STXBP4: variants seen among roughly 807,000 people sequenced by gnomAD.
The protein encoded by STXBP4 is syntaxin binding protein 4.
A neutral mutation model predicts 76.1 loss-of-function variants in STXBP4; 55 were observed. That is an observed-to-expected ratio of 0.72 (90% CI 0.58 to 0.91). The LOEUF is 0.91. Among genes scored for constraint, STXBP4 ranks in the 40% least tolerant of loss-of-function variants. STXBP4 has a pLI of 0.00. For synonymous variants in STXBP4, 201 were observed against 220.2 expected (o/e 0.91, Z 0.77); for missense variants, 618 against 636.9 (o/e 0.97, Z 0.32).
chr17:55,157,067 A>G (rs1310466526), intron 17 of STXBP4, among the ~76,000 whole-genome samples: 1 of 152,228 alleles, frequency 6.6e-6, no homozygotes, highest in African/African-American at 2.4e-5. Flanking sequence ...AGCAAAGCAT[A>G]CTACCTGAAC....
rs558292386 is a variant in STXBP4, at chr17:55,017,221, T to G, written c.666+9624T>G. Among the ~76,000 whole-genome samples the G allele has an allele frequency of 7.2e-5, 11 of 152,288 alleles. No homozygotes were observed. The South Asian group carries it at 2.3e-3, about 32-fold the overall frequency. On this transcript the variant is annotated intron_variant, in intron 8 of 17. Transcript: ENST00000376352. ...GACTCTCTTTTTCTCCTCTGTCTCT[T>G]TCGCCTCTCTGCCTGTTTCTCTCCT...
intron 8 of STXBP4, among the ~76,000 whole-genome samples, chr17:55,010,064 A>G (rs1240483922): frequency 1.3e-5 from 2 of 151,994 alleles, no homozygotes; most frequent in Non-Finnish European, 2.9e-5. Flanking sequence ...ATAAAATAGT[A>G]TATTTTTTAA....
At chr17:54,975,412 A>G (rs1461432895) in intron 1 of STXBP4, among the ~76,000 whole-genome samples, 1 of 152,222 alleles carries the variant, frequency 6.6e-6, no homozygotes, top group Admixed American at 6.5e-5. Flanking sequence ...AGATATAAAT[A>G]TAGATAGAGA....
chr17:55,144,568 G>A (rs999300680), intron 17 of STXBP4, among the ~76,000 whole-genome samples: 1 of 152,146 alleles, frequency 6.6e-6, no homozygotes, highest in Non-Finnish European at 1.5e-5. Context: ...CTCTCCTCAT[G>A]ACCATTCTCT....
At chr17:55,078,807 A>C (rs1487447774) in intron 15 of STXBP4, 72 bp downstream of exon 15, 2 of 866,244 alleles carry the variant, frequency 2.3e-6, no homozygotes, top group Non-Finnish European at 3.9e-6. Flanking sequence ...TTGTGACTCA[A>C]ATACTAAAAA....
intron 16 of STXBP4, among the ~76,000 whole-genome samples, chr17:55,130,441 A>G (rs1358791074): frequency 6.6e-6 from 1 of 152,216 alleles, no homozygotes. Flanking sequence ...GTACAATGTG[A>G]TGTTTCAGTA....
intron 12 of STXBP4, among the ~76,000 whole-genome samples, chr17:55,063,259 C>A (rs748050811): frequency 6.6e-6 from 1 of 152,148 alleles, no homozygotes; most frequent in South Asian, 2.1e-4. Flanking sequence ...AGTTGTTTGT[C>A]TTTTTAATTG....
chr17:55,066,743 C>T (rs1224644040), intron 12 of STXBP4, among the ~76,000 whole-genome samples: 2 of 152,048 alleles, frequency 1.3e-5, no homozygotes, highest in East Asian at 3.9e-4. Context: ...GGCATGGTGG[C>T]TCACACCTGT....
rs146021969 is a variant in STXBP4 at position 55,043,464 on chromosome 17, T to C, written c.945+139T>C. The stretch of plus-strand genomic sequence containing the variant: ...TTAATATCAAATAGTAAAAATCAGA[T>C]TCTTTATTCAGTTGGCCTTTAGAGA... On this transcript the variant is annotated intron_variant, in intron 11 of 17. Transcript: ENST00000376352. 1,230 of 769,764 alleles carry C rather than the reference T, an allele frequency of 1.6e-3. 11 individuals are homozygous for C. In the African/African-American group the frequency reaches 0.018, roughly 11 times the overall value. 47.7% of individuals were successfully genotyped at this position (769,764 alleles called of 1,614,324 possible). A position where few individuals can be genotyped will look rare whatever the true frequency, so the allele number is the denominator to read the frequency against.
rs1336301535 is a variant in STXBP4, at chr17:55,168,773, T to G, written c.*8862T>G. On this transcript the variant is annotated 3_prime_UTR_variant, in exon 18 of 18. Transcript: ENST00000376352. The stretch of plus-strand genomic sequence containing the variant: ...TCTCTGCCATCAGGATAAATAACAT[T>G]TCTTAAAGGAATATTCTACTGCAGT... 2 of 152,184 alleles carry G rather than the reference T, an allele frequency of 1.3e-5. No individual in the cohort carries two copies. The highest frequency in any genetic ancestry group is 3.8e-4 in the East Asian group (2 of 5,200). The allele number at this position is 152,184 out of a possible 1,614,324, so 9.4% of individuals were successfully genotyped here.
At chr17:55,125,026 A>G (rs1042302528) in intron 16 of STXBP4, among the ~76,000 whole-genome samples, 5 of 152,220 alleles carry the variant, frequency 3.3e-5, no homozygotes, top group African/African-American at 1.2e-4. Flanking sequence ...AAATGCAGCC[A>G]TATAGCAGGG....
intron 16 of STXBP4, among the ~76,000 whole-genome samples, chr17:55,121,134 A>G (rs1285484843): frequency 1.3e-5 from 2 of 152,190 alleles, no homozygotes; most frequent in African/African-American, 4.8e-5. Flanking sequence ...GTACCCTCAA[A>G]GAGCTAGCAG....
intron 16 of STXBP4, among the ~76,000 whole-genome samples, chr17:55,092,900 C>A (rs781656645): frequency 3.9e-5 from 6 of 152,124 alleles, no homozygotes; most frequent in Non-Finnish European, 8.8e-5. Flanking sequence ...ATTCATCATT[C>A]TTTTCCTCAT....
chr17:55,157,937 C>A (rs563533839), intron 17 of STXBP4, among the ~76,000 whole-genome samples: 1 of 152,304 alleles, frequency 6.6e-6, no homozygotes, highest in African/African-American at 2.4e-5. Context: ...AGTAATATTA[C>A]ATAGTCTTGG....
chr17:55,079,532 G>A (rs1598293053), intron 15 of STXBP4, among the ~76,000 whole-genome samples: 1 of 151,438 alleles, frequency 6.6e-6, no homozygotes, highest in African/African-American at 2.4e-5. Flanking sequence ...CTGAGGCAGG[G>A]GGATCACTTG....
chr17:55,103,311 G>A (rs1281568713), intron 16 of STXBP4, among the ~76,000 whole-genome samples: 1 of 152,090 alleles, frequency 6.6e-6, no homozygotes, highest in Non-Finnish European at 1.5e-5. Flanking sequence ...TTTTGTATAA[G>A]GTGTAAGGAA....
the STXBP4 span, among the ~76,000 whole-genome samples, chr17:55,209,849 T>C: frequency 6.6e-6 from 1 of 152,176 alleles, no homozygotes; most frequent in South Asian, 2.1e-4. Context: ...GATTTTCCTC[T>C]TGGAATCAGG....
At chr17:55,176,755 G>C (rs1467033975), downstream of STXBP4, among the ~76,000 whole-genome samples, 1 of 152,158 alleles carries the variant, frequency 6.6e-6, no homozygotes, top group African/African-American at 2.4e-5. Context: ...TCTGCCCTCA[G>C]CAATGTGGGT....
intron 17 of STXBP4, among the ~76,000 whole-genome samples, chr17:55,146,311 G>A (rs142504059): frequency 1.3e-5 from 2 of 152,106 alleles, no homozygotes; most frequent in African/African-American, 4.8e-5. Flanking sequence ...CTCAATTTTA[G>A]AGCATCCTGA....
Sources: allele counts gnomAD v4.1 joint callset (sites outside exome capture counted in the v4.1 genomes callset), GRCh38; gene constraint gnomAD v4.1.1; transcripts MANE v1.5; gene names NCBI Gene and HGNC (gene_info 2026-07-23, HGNC 2026-07-21).